Variants in MTSS2 observed in about 807,000 individuals in gnomAD.
MTSS2 encodes MTSS I-BAR domain containing 2.
MTSS2 carries 27 observed loss-of-function variants against 67.1 expected under a neutral mutation model. The ratio of observed to expected loss-of-function variants is 0.40; its 90% CI spans 0.30 to 0.55. MTSS2 has a LOEUF of 0.55. Among genes scored for constraint, MTSS2 ranks in the 20% least tolerant of loss-of-function variants. The pLI is 0.43. For synonymous variants in MTSS2, 624 were observed against 468.6 expected (o/e 1.33, Z -4.28); for missense variants, 1,171 against 1,067.8 (o/e 1.10, Z -1.35).
At chr16:70,674,792 C>T (rs1015528511) in intron 10 of MTSS2, among the ~76,000 whole-genome samples, 3 of 152,204 alleles carry the variant, frequency 2.0e-5, no homozygotes, top group Admixed American at 6.5e-5. Flanking sequence ...GTGAGGCAAC[C>T]TCTCTGCCTC....
intron 11 of MTSS2, among the ~76,000 whole-genome samples, chr16:70,669,392 T>C (rs1488687741): frequency 6.6e-6 from 1 of 152,182 alleles, no homozygotes; most frequent in Non-Finnish European, 1.5e-5. Flanking sequence ...TTTAAAGGTA[T>C]GAAAAGGTAG....
At position 70,679,773 on chromosome 16, in the gene MTSS2, G is replaced by C. The variant is rs767288941; in HGVS notation, c.382+13C>G. 9 of 1,611,102 alleles carry C rather than the reference G, an allele frequency of 5.6e-6. No individual in the cohort carries two copies. The African/African-American group carries it at 1.2e-4, about 21-fold the overall frequency. ...AGTGGGGGGTGGGAAGCCCGGCTCC[G>C]CGCCACCCTCACCTTTCGCGTGGTC... is the stretch of plus-strand genomic sequence containing the variant. On this transcript the variant is annotated intron_variant, in intron 5 of 14. Transcript: ENST00000338779.
intron 10 of MTSS2, among the ~76,000 whole-genome samples, chr16:70,674,823 G>T (rs1231999620): frequency 6.6e-6 from 1 of 152,174 alleles, no homozygotes; most frequent in Non-Finnish European, 1.5e-5. Flanking sequence ...ACTAAGAACA[G>T]TTGTCCAGGC....
chr16:70,676,854 A>AC, intron 10 of MTSS2, 27 bp downstream of exon 10: 1 of 1,600,260 alleles, frequency 6.2e-7, no homozygotes, highest in Non-Finnish European at 8.5e-7. Flanking sequence ...CGCCCCCCAC[A>AC]CCCCTGGGAA....
In MTSS2 at chr16:70,665,552, A is replaced by T; in HGVS notation, c.1054-12T>A. 1 of 1,544,660 alleles carries T rather than the reference A, an allele frequency of 6.5e-7. No individual in the cohort carries two copies. The highest frequency in any genetic ancestry group is 1.2e-5 in the South Asian group (1 of 83,822). ...GAGCTGGAGGACTTCTGCCATGCAG[A>T]GGCCAGCAGGCGGTTGCAGACAGAG... On this transcript the variant is annotated splice_polypyrimidine_tract_variant and intron_variant, in intron 11 of 14. Coordinates refer to ENST00000338779, the MANE Select transcript of MTSS2 (RefSeq NM_138383.3).
intron 9 of MTSS2, 47 bp from the exon 10 acceptor site, chr16:70,677,025 C>A (rs1392797833): frequency 6.8e-7 from 1 of 1,470,882 alleles, no homozygotes; most frequent in South Asian, 1.2e-5. Flanking sequence ...CTCCTCAGAG[C>A]TAGTAGGGCC....
Position 70,662,810 on chromosome 16 carries a change from G to A in MTSS2, c.*867C>T, listed in dbSNP as rs985645954. 2.0e-5 allele frequency: 3 copies of A among 152,476 alleles called. No individual in the cohort carries two copies. The highest frequency in any genetic ancestry group is 2.0e-4 in the Admixed American group (3 of 15,284). The allele number at this position is 152,476 out of a possible 1,614,324, so 9.4% of individuals were successfully genotyped here. A position where few individuals can be genotyped will look rare whatever the true frequency, so the allele number is the denominator to read the frequency against. ...TACTGCTCCAGTCACCCCCCGAAAG[G>A]TGGCTAAAACTGTGACCCCCAAAGT... On this transcript the variant is annotated 3_prime_UTR_variant, in exon 15 of 15. Coordinates refer to ENST00000338779, the MANE Select transcript of MTSS2 (RefSeq NM_138383.3).
chr16:70,682,301 C>CCTAG (rs2053326611), intron 1 of MTSS2, among the ~76,000 whole-genome samples: 1 of 152,214 alleles, frequency 6.6e-6, no homozygotes, highest in Non-Finnish European at 1.5e-5. Context: ...GGAAGCTGTT[C>CCTAG]CTAGCCGTCC....
intron 11 of MTSS2, among the ~76,000 whole-genome samples, chr16:70,670,861 T>C (rs897313435): frequency 1.3e-5 from 2 of 150,718 alleles, no homozygotes; most frequent in African/African-American, 2.5e-5. Flanking sequence ...TCCCAGCTAA[T>C]TGGGAGGCTG....
chr16:70,667,355 A>G (rs959422176), intron 11 of MTSS2, among the ~76,000 whole-genome samples: 3 of 152,084 alleles, frequency 2.0e-5, no homozygotes, highest in Non-Finnish European at 4.4e-5. Flanking sequence ...AAGAATCTAC[A>G]AATTATTAGA....
chr16:70,665,492 C>T lies in MTSS2; in HGVS notation c.1102G>A (p.Val368Ile), dbSNP rs939579417. Residue 368 changes from valine to isoleucine, a missense_variant, in exon 12 of 15, where the codon GTT (valine) becomes ATT (isoleucine). Val to Ile is a conservative substitution (Grantham distance 29). Coordinates refer to ENST00000338779, the MANE Select transcript of MTSS2 (RefSeq NM_138383.3). ...GAGGTGGGGGAGCTGCACTCGCTAA[C>T]GGACTGGCAGGTTTCCGAGGCCTCG... ...SSEASETCQS[V>I]SECSSPTSDW... is the part of the protein sequence containing the mutation. The T allele has an allele frequency of 3.9e-5, 60 of 1,556,694 alleles. No individual in the cohort carries two copies. Among genetic ancestry groups the T allele is most frequent in the African/African-American group, 9.5e-5 (7 of 73,358 alleles).
chr16:70,668,442 G>A lies in MTSS2; in HGVS notation c.1054-2902C>T, dbSNP rs564078352. ...AGACTTTTTATAAATAATTAAGATG[G>A]TTACAATAATTAAGATGGTGTGGCA... On this transcript the variant is annotated intron_variant, in intron 11 of 14. Transcript: ENST00000338779. Among the ~76,000 whole-genome samples the A allele has an allele frequency of 1.6e-3, 247 of 151,968 alleles. 1 individual carries two copies. Among genetic ancestry groups the A allele is most frequent in the African/African-American group, 5.7e-3 (236 of 41,460 alleles).
intron 11 of MTSS2, among the ~76,000 whole-genome samples, chr16:70,668,683 G>A (rs2052812316): frequency 1.3e-5 from 2 of 152,198 alleles, no homozygotes; most frequent in South Asian, 2.1e-4. Context: ...TCATTAGGGT[G>A]GAGCCCTCAT....
chr16:70,664,752 C>T lies in MTSS2; in HGVS notation c.1317G>A (p.Glu439=). 6.2e-7 allele frequency: 1 copy of T among 1,611,152 alleles called. No individual in the cohort carries two copies. Among genetic ancestry groups the T allele is most frequent in the Non-Finnish European group, 8.5e-7 (1 of 1,179,052 alleles). Residue 439 remains glutamate (E), a synonymous_variant, in exon 14 of 15, where the codon GAG becomes GAA. Transcript: ENST00000338779. ...PATIAAKHGE[E]VSPAASDLAM... ...CCAGGTCACTGGCGGCGGGGGACAC[C>T]TCCTCACCGTGCTGAGGGTGGGAAA...
intron 1 of MTSS2, 45 bp downstream of exon 1, chr16:70,685,678 C>T (rs1215540179): frequency 1.7e-6 from 2 of 1,205,660 alleles, no homozygotes; most frequent in Admixed American, 3.1e-5. Context: ...CCCGGGGGGT[C>T]CCGCACCCGT....
At position 70,685,856 on chromosome 16, in the gene MTSS2, G is replaced by C. The variant is rs2053442486; in HGVS notation, c.-65C>G. On this transcript the variant is annotated 5_prime_UTR_variant, in exon 1 of 15. Coordinates refer to ENST00000338779, the MANE Select transcript of MTSS2 (RefSeq NM_138383.3). ...GGAGCGCGGGGAGCAGCGCAAGGGA[G>C]GGGGCCAGGCCGCGCGGGCGCTCGC... 1 of 998,074 alleles carries C rather than the reference G, an allele frequency of 1.0e-6. No individual in the cohort carries two copies. The allele number at this position is 998,074 out of a possible 1,614,324, so 61.8% of individuals were successfully genotyped here.
intron 10 of MTSS2, among the ~76,000 whole-genome samples, chr16:70,674,892 C>T (rs75634237): frequency 0.031 from 4,686 of 152,220 alleles, 101 homozygotes; most frequent in Middle Eastern, 0.061. Flanking sequence ...GCGGGTGGAT[C>T]ATTTGAGGAC....
At position 70,664,290 on chromosome 16, in the gene MTSS2, G is replaced by C. The variant is rs752062120; in HGVS notation, c.1631C>G (p.Thr544Ser). 1.9e-6 allele frequency: 3 copies of C among 1,566,126 alleles called. No individual in the cohort carries two copies. The highest frequency in any genetic ancestry group is 2.6e-6 in the Non-Finnish European group (3 of 1,162,756). Residue 544 changes from threonine (T) to serine (S), a missense_variant, in exon 15 of 15, where the codon ACC (threonine) becomes AGC (serine). Physicochemically the swap from Thr to Ser is moderately conservative, Grantham distance 58 (BLOSUM62 1). Coordinates refer to ENST00000338779, the MANE Select transcript of MTSS2 (RefSeq NM_138383.3). ...GCCAGTGGCCGTGGGCAGCCCCGCGGTGGGCAGCCCAGCAGTGGAGGCTGG... is the reference window on the plus strand; with the variant it reads ...GCCAGTGGCCGTGGGCAGCCCCGCGCTGGGCAGCCCAGCAGTGGAGGCTGG... ...KRPASTAGLP[T>S]AGLPTATGLP...
intron 3 of MTSS2, among the ~76,000 whole-genome samples, chr16:70,680,322 G>A (rs988550996): frequency 1.3e-5 from 2 of 152,104 alleles, no homozygotes; most frequent in South Asian, 2.1e-4. Flanking sequence ...ACCGTTCCAG[G>A]AGCCGGCCAA....
Sources: allele counts gnomAD v4.1 joint callset (sites outside exome capture counted in the v4.1 genomes callset), GRCh38; gene constraint gnomAD v4.1.1; transcripts MANE v1.5; gene names NCBI Gene and HGNC (gene_info 2026-07-23, HGNC 2026-07-21).